MYO5B: variants seen among roughly 807,000 people sequenced by gnomAD.
MYO5B encodes the protein myosin VB, also known as unconventional myosin-Vb.
MYO5B carries 143 observed loss-of-function variants against 229.3 expected under a neutral mutation model. The observed-to-expected ratio is 0.62, with a 90% CI of 0.54 to 0.72. MYO5B has a LOEUF of 0.72. Among genes scored for constraint, MYO5B ranks in the 30% least tolerant of loss-of-function variants. The pLI is 0.00. For synonymous variants in MYO5B, 918 were observed against 885.2 expected, an observed-to-expected ratio of 1.04 and a Z score of -0.66; for missense variants, 2,321 against 2,331.0, an observed-to-expected ratio of 1.00 and a Z score of 0.09.
intron 2 of MYO5B, among the ~76,000 whole-genome samples, chr18:50,051,375 A>T (rs2030387182): frequency 6.6e-6 from 1 of 152,204 alleles, no homozygotes; most frequent in Admixed American, 6.5e-5. Context: ...GGGAGTACTC[A>T]TCATCAAGGT....
intron 1 of MYO5B, among the ~76,000 whole-genome samples, chr18:50,109,412 T>C (rs1036360669): frequency 6.7e-5 from 10 of 149,210 alleles, no homozygotes; most frequent in African/African-American, 2.0e-4. Context: ...ACTGGTCCGC[T>C]GGTCATGATT....
At chr18:49,935,014 C>T (rs774320293) in intron 16 of MYO5B, among the ~76,000 whole-genome samples, 4 of 152,022 alleles carry the variant, frequency 2.6e-5, no homozygotes, top group Non-Finnish European at 4.4e-5. Context: ...GAACAGCATG[C>T]GTGAAGGCCC....
chr18:49,898,518 C>T (rs548679292), intron 21 of MYO5B, among the ~76,000 whole-genome samples: 5 of 152,216 alleles, frequency 3.3e-5, no homozygotes, highest in African/African-American at 4.8e-5. Flanking sequence ...TACTGAATGA[C>T]GTCATACCAC....
chr18:50,160,054 C>T (rs1055515893), intron 1 of MYO5B, among the ~76,000 whole-genome samples: 18 of 152,242 alleles, frequency 1.2e-4, no homozygotes, highest in African/African-American at 3.9e-4. Flanking sequence ...CAAATGGCTC[C>T]CCTCTGTCCA....
intron 10 of MYO5B, among the ~76,000 whole-genome samples, chr18:49,968,436 T>A (rs2025651813): frequency 6.6e-6 from 1 of 152,256 alleles, no homozygotes; most frequent in African/African-American, 2.4e-5. Context: ...ACATAAGTGA[T>A]TAACTTCTAA....
In MYO5B at chr18:49,856,682, G is replaced by A. The variant is rs1312839059; in HGVS notation, c.4022+131C>T. 1.3e-5 allele frequency: 10 copies of A among 777,102 alleles called. No homozygotes were observed. In the South Asian group the frequency reaches 1.4e-4, roughly 11 times the overall value. The allele number at this position is 777,102 out of a possible 1,614,324, so 48.1% of individuals were successfully genotyped here. ...ACAGTGACAGATGGTCAACCACAGG[G>A]GCTACCAGCCAGACTGCATGCCAAC... On this transcript the variant is annotated intron_variant, in intron 30 of 39. Transcript: ENST00000285039.
At position 49,974,278 on chromosome 18, in the gene MYO5B, CT is replaced by C. The variant is rs2025720482; in HGVS notation, c.1322+71del. 9 of 1,605,798 alleles carry C rather than the reference CT, an allele frequency of 5.6e-6. No homozygotes were observed. The South Asian group carries it at 9.9e-5, about 18-fold the overall frequency. On this transcript the variant is annotated intron_variant, in intron 10 of 39. Coordinates refer to ENST00000285039, the MANE Select transcript of MYO5B (RefSeq NM_001080467.3). ...ACCACCAGGAAGCTCTCCAATGCCC[CT>C]GCTGGCTGTAAAGTATGAGCAGGAA...
chr18:50,136,694 T>A (rs1351598041), intron 1 of MYO5B, among the ~76,000 whole-genome samples: 2 of 152,206 alleles, frequency 1.3e-5, no homozygotes, highest in African/African-American at 4.8e-5. Flanking sequence ...TGGGTTCAAA[T>A]CTTAACCCTG....
chr18:50,123,773 G>T (rs2144535550), intron 1 of MYO5B, among the ~76,000 whole-genome samples: 1 of 152,264 alleles, frequency 6.6e-6, no homozygotes, highest in East Asian at 1.9e-4. Context: ...ATATAGAGGT[G>T]TCACTCTTTT....
intron 14 of MYO5B, among the ~76,000 whole-genome samples, chr18:49,950,490 T>C (rs1215093137): frequency 2.6e-5 from 4 of 152,200 alleles, no homozygotes; most frequent in Non-Finnish European, 5.9e-5. Context: ...ATAAAGGATA[T>C]TCATTGCTAC....
At chr18:49,909,911 G>GC (rs2024939252) in intron 18 of MYO5B, among the ~76,000 whole-genome samples, 1 of 152,126 alleles carries the variant, frequency 6.6e-6, no homozygotes, top group Non-Finnish European at 1.5e-5. Flanking sequence ...TATTAGGTAG[G>GC]CTCCCCCTGC....
intron 14 of MYO5B, among the ~76,000 whole-genome samples, chr18:49,938,499 G>A (rs2025275717): frequency 6.6e-6 from 1 of 152,114 alleles, no homozygotes. Flanking sequence ...CTAACCTTGA[G>A]CAATTCCAAT....
At chr18:50,010,070 G>A (rs1044992491) in intron 4 of MYO5B, among the ~76,000 whole-genome samples, 8 of 152,222 alleles carry the variant, frequency 5.3e-5, no homozygotes, top group Admixed American at 2.0e-4. Context: ...AGGCTGTCAT[G>A]AATATTCACT....
chr18:50,077,168 T>TAAAAAAAAAAAAAA (rs71169476), intron 1 of MYO5B, among the ~76,000 whole-genome samples: 5 of 81,214 alleles, frequency 6.2e-5, no homozygotes, highest in African/African-American at 1.8e-4. Context: ...TGTGGCAAAG[T>TAAAAAAAAAAAAAA]AAAAAAAAAA....
Position 50,112,231 on chromosome 18 carries a change from C to A in MYO5B, c.28-56853G>T, listed in dbSNP as rs537227422. On this transcript the variant is annotated intron_variant, in intron 1 of 39. Transcript: ENST00000285039. ...AAAGTATAGTAAAGAGAATTGAAGC[C>A]CCACTCCTGAGAGATCTGGGCTACA... Among the ~76,000 whole-genome samples, 19 of 152,206 alleles carry A rather than the reference C, an allele frequency of 1.2e-4. No individual in the cohort carries two copies. In the South Asian group the frequency reaches 3.7e-3, roughly 30 times the overall value.
At chr18:49,934,516 G>C (rs879674412) in intron 16 of MYO5B, among the ~76,000 whole-genome samples, 3 of 152,252 alleles carry the variant, frequency 2.0e-5, no homozygotes, top group Non-Finnish European at 4.4e-5. Context: ...GCTCTGATGA[G>C]GGAAAGGCCC....
At chr18:49,957,761 C>G (rs2025512222) in intron 12 of MYO5B, among the ~76,000 whole-genome samples, 1 of 152,110 alleles carries the variant, frequency 6.6e-6, no homozygotes, top group Non-Finnish European at 1.5e-5. Flanking sequence ...TCCTGGGCCA[C>G]TGGCACCAAC....
At chr18:49,898,662 C>T (rs1040924706) in intron 21 of MYO5B, among the ~76,000 whole-genome samples, 2 of 152,148 alleles carry the variant, frequency 1.3e-5, no homozygotes, top group Non-Finnish European at 1.5e-5. Context: ...GTCAGCACCA[C>T]GGACAGCTCC....
intron 39 of MYO5B, among the ~76,000 whole-genome samples, chr18:49,828,817 CAG>C (rs1180545554): frequency 6.6e-6 from 1 of 151,300 alleles, no homozygotes; most frequent in East Asian, 1.9e-4. Flanking sequence ...AAAGAAATCA[CAG>C]GGGGAATTAG....
Sources: gnomAD v4.1 joint callset for allele counts (sites outside exome capture counted in the v4.1 genomes callset) on GRCh38, gnomAD v4.1.1 for gene constraint, MANE v1.5 for transcripts, NCBI Gene and HGNC (gene_info 2026-07-23, HGNC 2026-07-21) for gene names.